Variants in FAM110B observed in about 807,000 individuals in gnomAD.
FAM110B encodes the protein family with sequence similarity 110 member B.
FAM110B carries 6 observed loss-of-function variants against 20.4 expected under a neutral mutation model. The observed-to-expected ratio is 0.29, with a 90% CI of 0.16 to 0.58. The LOEUF (loss-of-function observed/expected upper bound fraction) is 0.58, where lower values mean the gene tolerates loss of function less well. FAM110B is among the 20% of genes least tolerant of loss of function. The pLI, the probability that FAM110B is intolerant of heterozygous loss-of-function variation, is 0.90. For missense variants in FAM110B, 434 were observed against 498.2 expected (o/e 0.87, Z 1.23); for synonymous variants, 226 against 214.1 (o/e 1.06, Z -0.49).
At chr8:58,047,035 A>T (rs900515080) in intron 2 of FAM110B, among the ~76,000 whole-genome samples, 16 of 152,234 alleles carry the variant, frequency 1.1e-4, no homozygotes, top group Non-Finnish European at 2.2e-4. Context: ...CAAAGCAAAG[A>T]AAGTTGGATA....
intron 3 of FAM110B, among the ~76,000 whole-genome samples, chr8:58,105,000 T>C (rs1338138766): frequency 7.5e-6 from 1 of 132,464 alleles, no homozygotes; most frequent in Admixed American, 7.5e-5. Flanking sequence ...CATTGCCTTC[T>C]TTTTTTTTTT....
intron 2 of FAM110B, among the ~76,000 whole-genome samples, chr8:58,037,382 T>C (rs1805097257): frequency 6.6e-6 from 1 of 151,852 alleles, no homozygotes; most frequent in African/African-American, 2.4e-5. Flanking sequence ...GCTTATGAAA[T>C]CCCAACACTT....
Position 58,103,441 on chromosome 8 carries a change from C to T in FAM110B, c.-325+27818C>T, listed in dbSNP as rs369537259. ...TGCGGTGTTTGGTTTTTTGTTCTTG[C>T]GATAGTTTACTGAGAATGATGATTT... On this transcript the variant is annotated intron_variant, in intron 3 of 3. Coordinates refer to ENST00000519262, the MANE Select transcript of FAM110B (RefSeq NM_001377989.1). 9.9e-5 allele frequency among the ~76,000 whole-genome samples: 15 copies of T among 151,354 alleles called. No individual in the cohort carries two copies. The East Asian group carries it at 1.4e-3, about 14-fold the overall frequency.
intron 2 of FAM110B, among the ~76,000 whole-genome samples, chr8:58,057,991 G>T (rs371050139): frequency 6.6e-6 from 1 of 152,218 alleles, no homozygotes; most frequent in South Asian, 2.1e-4. Context: ...AGACCATTTT[G>T]CCCCTTGGGG....
At chr8:58,124,287 A>G (rs888307627) in intron 3 of FAM110B, among the ~76,000 whole-genome samples, 3 of 152,208 alleles carry the variant, frequency 2.0e-5, no homozygotes, top group Admixed American at 6.5e-5. Flanking sequence ...TCACGTCCCT[A>G]ATGACAATGA....
At chr8:58,011,711 C>T (rs1173067348) in intron 1 of FAM110B, among the ~76,000 whole-genome samples, 1 of 152,176 alleles carries the variant, frequency 6.6e-6, no homozygotes, top group Non-Finnish European at 1.5e-5. Context: ...GCCAGCAAAC[C>T]AATATTGCCA....
intron 1 of FAM110B, among the ~76,000 whole-genome samples, chr8:58,028,961 T>G (rs914191560): frequency 1.3e-5 from 2 of 152,218 alleles, no homozygotes; most frequent in Non-Finnish European, 2.9e-5. Context: ...TCTGAAGGCC[T>G]TCCTTGGTGA....
intron 1 of FAM110B, among the ~76,000 whole-genome samples, chr8:58,019,669 G>A (rs1804710427): frequency 1.3e-5 from 2 of 151,914 alleles, no homozygotes; most frequent in African/African-American, 4.8e-5. Flanking sequence ...TAAATATGTT[G>A]TTCCATTATG....
intron 2 of FAM110B, among the ~76,000 whole-genome samples, chr8:58,058,744 G>A (rs1805597575): frequency 6.6e-6 from 1 of 152,006 alleles, no homozygotes; most frequent in African/African-American, 2.4e-5. Flanking sequence ...ATTTTATTAG[G>A]ATGATCAAAT....
At chr8:58,132,460 G>T (rs1484233621) in intron 3 of FAM110B, among the ~76,000 whole-genome samples, 1 of 151,952 alleles carries the variant, frequency 6.6e-6, no homozygotes, top group Non-Finnish European at 1.5e-5. Context: ...TGTGGCCACA[G>T]ATGTTTCCAT....
chr8:58,069,460 G>C (rs1805842392), intron 2 of FAM110B, among the ~76,000 whole-genome samples: 1 of 152,206 alleles, frequency 6.6e-6, no homozygotes, highest in Non-Finnish European at 1.5e-5. Flanking sequence ...CTGTGAGAAC[G>C]CATGTTTTTC....
rs367979721 is a variant in FAM110B, at chr8:58,104,999, C to CTT, written c.-325+29389_-325+29390dup. Among the ~76,000 whole-genome samples, 499 of 136,242 alleles carry CTT rather than the reference C, an allele frequency of 3.7e-3. 3 individuals are homozygous for CTT. Among genetic ancestry groups the CTT allele is most frequent in the African/African-American group, 0.013 (481 of 37,076 alleles). 89.4% of individuals were successfully genotyped at this position (136,242 alleles called of 152,430 possible). ...AAAAGGATTTCTTTTCCATTGCCTT[C>CTT]TTTTTTTTTTTTTTAACAAAATGAG... On this transcript the variant is annotated intron_variant, in intron 3 of 3. Coordinates refer to ENST00000519262, the MANE Select transcript of FAM110B (RefSeq NM_001377989.1).
At position 58,058,225 on chromosome 8, in the gene FAM110B, A is replaced by T. The variant is rs571652535; in HGVS notation, c.-413-17310A>T. ...ATGAAATTATTTAACTTAAAGTCAT[A>T]TAGTGAGGAAGGAACAGAACAGAGA... On this transcript the variant is annotated intron_variant, in intron 2 of 3. Coordinates refer to ENST00000519262, the MANE Select transcript of FAM110B (RefSeq NM_001377989.1). Among the ~76,000 whole-genome samples the T allele has an allele frequency of 2.6e-5, 4 of 152,294 alleles. No homozygotes were observed. In the South Asian group the frequency reaches 8.3e-4, roughly 32 times the overall value.
chr8:58,113,674 C>G (rs1012171944), intron 3 of FAM110B: 3 of 152,488 alleles, frequency 2.0e-5, no homozygotes, highest in African/African-American at 7.2e-5. Flanking sequence ...CATTCTTCCT[C>G]TTAATACTAT....
intron 1 of FAM110B, among the ~76,000 whole-genome samples, chr8:58,015,158 C>G (rs144666941): frequency 0.022 from 3,302 of 152,150 alleles, 129 homozygotes; most frequent in African/African-American, 0.075. Flanking sequence ...AAGTTCGAGA[C>G]CAGCCTGACC....
chr8:58,030,482 A>C (rs1366781635), intron 1 of FAM110B, among the ~76,000 whole-genome samples: 1 of 152,202 alleles, frequency 6.6e-6, no homozygotes, highest in Non-Finnish European at 1.5e-5. Flanking sequence ...CCTTCCTAAT[A>C]CATGTTTAGT....
chr8:58,137,328 G>T (rs751356020), intron 3 of FAM110B, among the ~76,000 whole-genome samples: 4 of 152,204 alleles, frequency 2.6e-5, no homozygotes, highest in Middle Eastern at 3.2e-3. Context: ...GGGAGGCCAA[G>T]GCAGGCGGAT....
chr8:58,068,776 G>T (rs1270657963), intron 2 of FAM110B, among the ~76,000 whole-genome samples: 1 of 152,074 alleles, frequency 6.6e-6, no homozygotes, highest in Non-Finnish European at 1.5e-5. Flanking sequence ...TGAGAAGAAA[G>T]AAATTAGGGG....
At chr8:58,099,558 T>A (rs1024715067) in intron 3 of FAM110B, among the ~76,000 whole-genome samples, 6 of 152,248 alleles carry the variant, frequency 3.9e-5, no homozygotes, top group African/African-American at 1.4e-4. Context: ...CTATTCAGTC[T>A]GTTGGGGTCT....
Sources: gnomAD v4.1 joint callset for allele counts (sites outside exome capture counted in the v4.1 genomes callset) on GRCh38, gnomAD v4.1.1 for gene constraint, MANE v1.5 for transcripts, NCBI Gene and HGNC (gene_info 2026-07-23, HGNC 2026-07-21) for gene names.